The following RABGEF1 variants were observed in gnomAD, a reference collection of about 807,000 sequenced individuals.
RABGEF1 encodes rab5 GDP/GTP exchange factor.
RABGEF1 carries 26 observed loss-of-function variants against 57.3 expected under a neutral mutation model. The observed-to-expected ratio is 0.45, with a 90% CI of 0.33 to 0.63. The LOEUF is 0.63. RABGEF1 is among the 20% of genes least tolerant of loss of function. The pLI, the probability that RABGEF1 is intolerant of heterozygous loss-of-function variation, is 0.02. For synonymous variants in RABGEF1, 185 were observed against 210.7 expected (o/e 0.88, Z 1.06); for missense variants, 464 against 607.6 (o/e 0.76, Z 2.48).
upstream of RABGEF1, among the ~76,000 whole-genome samples, chr7:66,678,847 G>A (rs1789492111): frequency 6.6e-6 from 1 of 152,162 alleles, no homozygotes; most frequent in Admixed American, 6.5e-5. Flanking sequence ...TAATACTGAG[G>A]TAGTCAGTGT....
intron 1 of RABGEF1, among the ~76,000 whole-genome samples, chr7:66,696,803 T>C (rs7779971): frequency 0.5 from 76,284 of 151,840 alleles, 20,090 homozygotes; most frequent in East Asian, 0.74. Flanking sequence ...GTCCCTGTGT[T>C]CAGAGCACAT....
intron 4 of RABGEF1, among the ~76,000 whole-genome samples, chr7:66,790,018 C>T (rs1232237501): frequency 6.6e-6 from 1 of 152,216 alleles, no homozygotes; most frequent in African/African-American, 2.4e-5. Context: ...AGAAGAGCAG[C>T]TGAAGGAGGC....
intron 1 of RABGEF1, among the ~76,000 whole-genome samples, chr7:66,746,017 A>G (rs1182704580): frequency 5.3e-5 from 8 of 152,144 alleles, no homozygotes; most frequent in Admixed American, 4.6e-4. Flanking sequence ...TTAAATGTAC[A>G]CTTCTTTCAT....
the RABGEF1 span, chr7:66,665,324 T>TG: frequency 4.6e-5 from 7 of 151,696 alleles, no homozygotes; most frequent in East Asian, 1.2e-3. Flanking sequence ...TTTTTTTTTT[T>TG]GTAGAGGTGG....
rs771536596 is a variant in RABGEF1 at position 66,796,929 on chromosome 7, A to G, written c.596-445A>G. ...TTTTAAGCGTATTTTTAAATATAAC[A>G]TTCTTATACTTTTGTTCTGAGTGTG... On this transcript the variant is annotated intron_variant, in intron 5 of 8. Transcript: ENST00000284957. 1.3e-4 allele frequency: 56 copies of G among 445,208 alleles called. 2 individuals carry two copies. The highest frequency in any genetic ancestry group is 8.8e-4 in the South Asian group (55 of 62,472). The allele number at this position is 445,208 out of a possible 1,614,324, so 27.6% of individuals were successfully genotyped here.
At chr7:66,793,027 C>T (rs1813098415) in intron 4 of RABGEF1, among the ~76,000 whole-genome samples, 1 of 152,108 alleles carries the variant, frequency 6.6e-6, no homozygotes, top group Non-Finnish European at 1.5e-5. Flanking sequence ...GAGTTTTCGG[C>T]ATTGTATTGT....
chr7:66,668,554 G>T, the RABGEF1 span, among the ~76,000 whole-genome samples: 1 of 152,188 alleles, frequency 6.6e-6, no homozygotes, highest in African/African-American at 2.4e-5. Context: ...GAGAGGGGGG[G>T]ATTGGCATAG....
chr7:66,794,052 T>A (rs1173768510), intron 4 of RABGEF1, among the ~76,000 whole-genome samples: 2 of 152,196 alleles, frequency 1.3e-5, no homozygotes, highest in Non-Finnish European at 2.9e-5. Flanking sequence ...TTTTGAACCC[T>A]GAATTACATA....
intron 1 of RABGEF1, among the ~76,000 whole-genome samples, chr7:66,751,755 A>G (rs1801479112): frequency 6.6e-6 from 1 of 152,176 alleles, no homozygotes; most frequent in Non-Finnish European, 1.5e-5. Flanking sequence ...AGATTGCTGA[A>G]AATTTCACTC....
At chr7:66,696,289 T>C (rs915777314) in intron 1 of RABGEF1, among the ~76,000 whole-genome samples, 8 of 151,982 alleles carry the variant, frequency 5.3e-5, no homozygotes, top group African/African-American at 1.9e-4. Flanking sequence ...AGTCTCAAAC[T>C]CTAATCTCAA....
chr7:66,780,426 A>G (rs1158705234), intron 3 of RABGEF1, among the ~76,000 whole-genome samples: 1 of 152,232 alleles, frequency 6.6e-6, no homozygotes, highest in African/African-American at 2.4e-5. Context: ...TGAGGATTAT[A>G]CAAAATAACA....
At chr7:66,751,064 A>G (rs371196175) in intron 1 of RABGEF1, among the ~76,000 whole-genome samples, 2 of 142,644 alleles carry the variant, frequency 1.4e-5, no homozygotes, top group African/African-American at 2.6e-5. Context: ...AGTCTCTCAC[A>G]TTGTCGCCTA....
chr7:66,721,537 C>A (rs1427881457), intron 2 of RABGEF1, among the ~76,000 whole-genome samples: 1 of 152,184 alleles, frequency 6.6e-6, no homozygotes, highest in African/African-American at 2.4e-5. Flanking sequence ...CAAATTCCAC[C>A]CCCTTTGCTC....
chr7:66,720,446 C>T (rs1795913833), intron 2 of RABGEF1, among the ~76,000 whole-genome samples: 1 of 151,554 alleles, frequency 6.6e-6, no homozygotes, highest in African/African-American at 2.4e-5. Context: ...GATCCACTCA[C>T]CTCAGCCTCC....
At chr7:66,763,219 G>T (rs1024810163) in intron 1 of RABGEF1, among the ~76,000 whole-genome samples, 2 of 152,152 alleles carry the variant, frequency 1.3e-5, no homozygotes, top group African/African-American at 2.4e-5. Flanking sequence ...AGCAGGCTCC[G>T]CTGGGTATTC....
At chr7:66,721,869 G>T (rs565225154) in intron 2 of RABGEF1, among the ~76,000 whole-genome samples, 5 of 152,212 alleles carry the variant, frequency 3.3e-5, no homozygotes, top group African/African-American at 1.2e-4. Context: ...GAAAGTTTTT[G>T]GCCAAGTGGG....
intron 2 of RABGEF1, among the ~76,000 whole-genome samples, chr7:66,716,468 G>T (rs1461565743): frequency 6.6e-6 from 1 of 152,100 alleles, no homozygotes; most frequent in African/African-American, 2.4e-5. Flanking sequence ...AGGTGTGGCG[G>T]CATGTGCCTG....
At chr7:66,669,470 GCA>G in the RABGEF1 span, among the ~76,000 whole-genome samples, 1 of 152,184 alleles carries the variant, frequency 6.6e-6, no homozygotes. Flanking sequence ...GGGATGGGTG[GCA>G]GGGAGGCAGC....
chr7:66,742,746 G>A (rs1314657694), intron 1 of RABGEF1, among the ~76,000 whole-genome samples: 2 of 152,106 alleles, frequency 1.3e-5, no homozygotes, highest in African/African-American at 2.4e-5. Context: ...AGCTAAGACT[G>A]CAGATGCGTG....
Sources: allele counts gnomAD v4.1 joint callset (sites outside exome capture counted in the v4.1 genomes callset), GRCh38; gene constraint gnomAD v4.1.1; transcripts MANE v1.5; gene names NCBI Gene and HGNC (gene_info 2026-07-23, HGNC 2026-07-21).